Variants in MYCBP2 observed in about 807,000 individuals in gnomAD.
The protein encoded by MYCBP2 is E3 ubiquitin-protein ligase MYCBP2.
In MYCBP2, 120 loss-of-function variants were observed where a neutral mutation model predicts 525.3. The ratio of observed to expected loss-of-function variants is 0.23; its 90% confidence interval spans 0.20 to 0.27. The LOEUF is 0.27. MYCBP2 is among the 10% of genes least tolerant of loss of function. The pLI is 1.00. For synonymous variants in MYCBP2, 1,894 were observed against 1,955.8 expected (o/e 0.97, Z 0.83); for missense variants, 4,149 against 5,657.1 (o/e 0.73, Z 8.55).
At chr13:77,194,581 GTC>G (rs2061581113) in intron 26 of MYCBP2, among the ~76,000 whole-genome samples, 2 of 152,158 alleles carry the variant, frequency 1.3e-5, no homozygotes, top group South Asian at 4.1e-4. Flanking sequence ...AACTAAGTGA[GTC>G]TCTCACTAAG....
At chr13:77,106,696 T>C (rs2047904700) in intron 55 of MYCBP2, among the ~76,000 whole-genome samples, 1 of 152,144 alleles carries the variant, frequency 6.6e-6, no homozygotes, top group Non-Finnish European at 1.5e-5. Flanking sequence ...AACTACTAGA[T>C]ACAATCTTTT....
At chr13:77,070,305 C>T (rs1263970414) in intron 69 of MYCBP2, among the ~76,000 whole-genome samples, 1 of 152,174 alleles carries the variant, frequency 6.6e-6, no homozygotes, top group Non-Finnish European at 1.5e-5. Context: ...ATACTTTATA[C>T]CAAGCTCATC....
At chr13:77,152,286 C>T (rs1008014660) in intron 46 of MYCBP2, among the ~76,000 whole-genome samples, 3 of 152,148 alleles carry the variant, frequency 2.0e-5, no homozygotes, top group African/African-American at 7.2e-5. Context: ...AAAACCCATT[C>T]TTATATTTAA....
chr13:77,230,954 T>C (rs1057478139), intron 18 of MYCBP2, among the ~76,000 whole-genome samples: 4 of 152,148 alleles, frequency 2.6e-5, no homozygotes, highest in African/African-American at 9.7e-5. Flanking sequence ...CAACATGTCG[T>C]AAAAGTAAAA....
intron 23 of MYCBP2, among the ~76,000 whole-genome samples, chr13:77,207,839 T>C (rs1017107296): frequency 2.6e-5 from 4 of 152,172 alleles, no homozygotes; most frequent in Non-Finnish European, 4.4e-5. Context: ...CTCTTGATGG[T>C]AAATAATAGA....
At position 77,061,743 on chromosome 13, in the gene MYCBP2, T is replaced by C. The variant is rs756688977; in HGVS notation, c.12822A>G (p.Leu4274=). The C allele has an allele frequency of 6.1e-5, 98 of 1,610,584 alleles. 6 individuals carry two copies. In the South Asian group the frequency reaches 1.1e-3, roughly 18 times the overall value. The change falls in exon 75 of 83, where the codon TTA becomes TTG. Residue 4274 remains leucine, a synonymous_variant. Transcript: ENST00000544440. ...HDDGETAAII[L]CNVCGNLCTD... is the part of the protein sequence containing the mutation. Reference sequence around the variant, plus strand: ...TACATAAATTTCCACAGACATTGCATAAAATGATTGCTGCAGTTTCACCAT... The same window carrying C: ...TACATAAATTTCCACAGACATTGCACAAAATGATTGCTGCAGTTTCACCAT...
chr13:77,148,171 C>T (rs1199249489), intron 47 of MYCBP2, among the ~76,000 whole-genome samples: 4 of 150,406 alleles, frequency 2.7e-5, no homozygotes, highest in Admixed American at 6.6e-5. Flanking sequence ...CTAAAATAGC[C>T]AAATGTGTAA....
In MYCBP2 at chr13:77,326,765, C is replaced by T; in HGVS notation, c.11G>A (p.Cys4Tyr). Residue 4 changes from cysteine to tyrosine, a missense_variant, in exon 1 of 83, where the codon TGC becomes TAC. Physicochemically the swap from Cys to Tyr is radical, Grantham distance 194. Coordinates refer to ENST00000544440, the MANE Select transcript of MYCBP2 (RefSeq NM_015057.5). The surrounding 1 kb of genome is among the most constrained non-coding windows in gnomAD (Gnocchi z 4.2). ...GGCGGCGGGGGAGGCAGTCGCTGCG[C>T]ACATCATCATCCTCGCCGCCGCCGC... MMM[C>Y]AATASPAAAS... 7.1e-7 allele frequency: 1 copy of T among 1,417,442 alleles called. No homozygotes were observed. Among genetic ancestry groups the T allele is most frequent in the Non-Finnish European group, 9.1e-7 (1 of 1,100,096 alleles). 87.8% of individuals were successfully genotyped at this position (1,417,442 alleles called of 1,614,324 possible). A position where few individuals can be genotyped will look rare whatever the true frequency, so the allele number is the denominator to read the frequency against.
intron 8 of MYCBP2, among the ~76,000 whole-genome samples, chr13:77,265,373 G>A (rs1181943309): frequency 1.3e-5 from 2 of 152,082 alleles, no homozygotes; most frequent in Non-Finnish European, 2.9e-5. Flanking sequence ...GGAGTGAAGC[G>A]GCGCAAGAAG....
chr13:77,320,635 A>G (rs1358105802), intron 1 of MYCBP2, among the ~76,000 whole-genome samples: 1 of 152,154 alleles, frequency 6.6e-6, no homozygotes, highest in Admixed American at 6.5e-5. Flanking sequence ...AAATGGAAAA[A>G]GCATACATTT....
chr13:77,082,896 G>T, intron 63 of MYCBP2, 136 bp downstream of exon 63: 2 of 727,730 alleles, frequency 2.7e-6, no homozygotes, highest in South Asian at 2.8e-5. Flanking sequence ...ATGACTGTAA[G>T]GAGGGAGGCA....
At chr13:77,283,243 G>A (rs765639644) in intron 3 of MYCBP2, among the ~76,000 whole-genome samples, 5 of 152,112 alleles carry the variant, frequency 3.3e-5, no homozygotes, top group Non-Finnish European at 5.9e-5. Context: ...TCAATTACAT[G>A]GCACATAAGG....
chr13:77,327,075 G>A lies in MYCBP2; in HGVS notation c.-300C>T, dbSNP rs999408303. On this transcript the variant is annotated 5_prime_UTR_variant, in exon 1 of 83. Coordinates refer to ENST00000544440, the MANE Select transcript of MYCBP2 (RefSeq NM_015057.5). ...CGCTACCACCGCCACCACCGCCGGGGCTACCCGCAATGGGAAGCTGCCGGC... is the reference window on the plus strand; with the variant it reads ...CGCTACCACCGCCACCACCGCCGGGACTACCCGCAATGGGAAGCTGCCGGC... 2.5e-5 allele frequency: 11 copies of A among 438,112 alleles called. No individual in the cohort carries two copies. Among genetic ancestry groups the A allele is most frequent in the Middle Eastern group, 5.7e-4 (1 of 1,762 alleles). 27.1% of individuals were successfully genotyped at this position (438,112 alleles called of 1,614,324 possible).
intron 1 of MYCBP2, among the ~76,000 whole-genome samples, chr13:77,312,037 A>T (rs567128111): frequency 6.6e-6 from 1 of 152,156 alleles, no homozygotes; most frequent in African/African-American, 2.4e-5. Flanking sequence ...AATAAGGTTT[A>T]CATTACAAAG....
Position 77,064,642 on chromosome 13 carries a change from A to G in MYCBP2, c.12645T>C (p.Ser4215=). ...TAGTTGTTGCAATACATCTCACTGG[A>G]GACCTAAATTCTTCTTCCATCTTGG... ...ALTKMEEEFR[S]PVRCIATTRL... The change falls in exon 73 of 83, where the codon TCT becomes TCC. Residue 4215 remains serine, a synonymous_variant. Transcript: ENST00000544440. The G allele has an allele frequency of 4.3e-6, 7 of 1,613,184 alleles. No homozygotes were observed. Among genetic ancestry groups the G allele is most frequent in the Non-Finnish European group, 5.9e-6 (7 of 1,179,522 alleles).
intron 17 of MYCBP2, among the ~76,000 whole-genome samples, chr13:77,237,644 C>T (rs1329205125): frequency 6.6e-6 from 1 of 151,732 alleles, no homozygotes; most frequent in African/African-American, 2.4e-5. Context: ...ATGGTATTTG[C>T]AATAAAGCAC....
rs1344844004 is a variant in MYCBP2 at position 77,273,490 on chromosome 13, A to G, written c.927T>C (p.His309=). Residue 309 remains histidine, a synonymous_variant, in exon 5 of 83, where the codon CAT becomes CAC. Coordinates refer to ENST00000544440, the MANE Select transcript of MYCBP2 (RefSeq NM_015057.5). The part of the protein sequence containing the change: ...ISAILTNNGS[H]ACQTIQVPTI... Reference sequence around the variant, plus strand: ...GAAATACCTGAATAGTTTGGCAAGCATGGCTTCCATTGTTGGTGAGGATAG... The same window carrying G: ...GAAATACCTGAATAGTTTGGCAAGCGTGGCTTCCATTGTTGGTGAGGATAG... 2.5e-6 allele frequency: 4 copies of G among 1,589,910 alleles called. No individual in the cohort carries two copies. Among genetic ancestry groups the G allele is most frequent in the Non-Finnish European group, 3.4e-6 (4 of 1,173,122 alleles).
chr13:77,266,535 T>A (rs1008986810), intron 8 of MYCBP2, among the ~76,000 whole-genome samples: 1 of 152,018 alleles, frequency 6.6e-6, no homozygotes, highest in Non-Finnish European at 1.5e-5. Flanking sequence ...TTTACCAATA[T>A]GTTCATAGTG....
intron 15 of MYCBP2, among the ~76,000 whole-genome samples, chr13:77,249,733 A>G (rs1438427646): frequency 1.3e-5 from 2 of 152,174 alleles, no homozygotes; most frequent in Non-Finnish European, 2.9e-5. Flanking sequence ...GGAGAGATCC[A>G]GGAGAATAAA....
Sources: allele counts gnomAD v4.1 joint callset (sites outside exome capture counted in the v4.1 genomes callset), GRCh38; gene constraint gnomAD v4.1.1; non-coding constraint Gnocchi (gnomAD v3.1); transcripts MANE v1.5; gene names NCBI Gene and HGNC (gene_info 2026-07-23, HGNC 2026-07-21).